Variants in CCDC6 observed in about 807,000 individuals in gnomAD.
CCDC6 encodes coiled-coil domain containing 6.
CCDC6 carries 20 observed loss-of-function variants against 56.6 expected under a neutral mutation model. That is an observed-to-expected ratio of 0.35 (90% confidence interval 0.25 to 0.51). The LOEUF is 0.51. Ranked by LOEUF, CCDC6 falls within the 20% of genes least tolerant of loss-of-function variation. The pLI is 0.95. For synonymous variants in CCDC6, 241 were observed against 234.4 expected (o/e 1.03, Z -0.26); for missense variants, 367 against 601.1 (o/e 0.61, Z 4.07).
intron 1 of CCDC6, among the ~76,000 whole-genome samples, chr10:59,880,505 G>A (rs572093024): frequency 1.4e-3 from 206 of 152,358 alleles, no homozygotes; most frequent in Admixed American, 2.4e-3. Context: ...TACCCTTGGA[G>A]GGATAATGGC....
Position 59,792,856 on chromosome 10 carries a change from G to T in CCDC6, c.*61C>A, listed in dbSNP as rs1412048864. ...AATATGCCAGAGAAGGAAGCCTTTG[G>T]CGTTGAGTAGACGGCTCCATTGGAT... On this transcript the variant is annotated 3_prime_UTR_variant, in exon 9 of 9. Coordinates refer to ENST00000263102, the MANE Select transcript of CCDC6 (RefSeq NM_005436.5). 6.6e-7 allele frequency: 1 copy of T among 1,518,960 alleles called. No homozygotes were observed. Among genetic ancestry groups the T allele is most frequent in the Non-Finnish European group, 9.1e-7 (1 of 1,093,524 alleles). The allele number at this position is 1,518,960 out of a possible 1,614,324, so 94.1% of individuals were successfully genotyped here. A position where few individuals can be genotyped will look rare whatever the true frequency, so the allele number is the denominator to read the frequency against.
chr10:59,797,128 T>C (rs1017709679), intron 7 of CCDC6, among the ~76,000 whole-genome samples: 3 of 152,204 alleles, frequency 2.0e-5, no homozygotes, highest in Non-Finnish European at 4.4e-5. Context: ...GAGAATATTA[T>C]GCTAAGTGAA....
chr10:59,804,686 C>T (rs958955680), intron 6 of CCDC6, 166 bp from the exon 7 acceptor site: 1 of 574,834 alleles, frequency 1.7e-6, no homozygotes, highest in Non-Finnish European at 3.1e-6. Flanking sequence ...CTGAGTCACA[C>T]CGCTCTGCTG....
At chr10:59,875,461 G>A (rs978942924) in intron 1 of CCDC6, among the ~76,000 whole-genome samples, 4 of 152,114 alleles carry the variant, frequency 2.6e-5, no homozygotes, top group African/African-American at 9.7e-5. Context: ...AAGTTCAAAG[G>A]TTCTTGTCCA....
At chr10:59,828,212 C>A (rs752785140) in intron 3 of CCDC6, among the ~76,000 whole-genome samples, 1 of 152,148 alleles carries the variant, frequency 6.6e-6, no homozygotes, top group Non-Finnish European at 1.5e-5. Flanking sequence ...ATAGTGACCA[C>A]GTTTGAAGAA....
intron 1 of CCDC6, among the ~76,000 whole-genome samples, chr10:59,874,785 T>C (rs947557602): frequency 2.6e-5 from 4 of 152,138 alleles, no homozygotes; most frequent in African/African-American, 7.2e-5. Context: ...ATTGCTGGGT[T>C]TGAGGATGAG....
intron 3 of CCDC6, among the ~76,000 whole-genome samples, chr10:59,825,846 A>G (rs888622682): frequency 6.6e-6 from 1 of 152,202 alleles, no homozygotes; most frequent in Non-Finnish European, 1.5e-5. Flanking sequence ...TTCCTTCCTG[A>G]TAAGACTTTA....
intron 2 of CCDC6, among the ~76,000 whole-genome samples, chr10:59,847,084 G>A (rs184111338): frequency 1.3e-3 from 197 of 151,410 alleles, no homozygotes; most frequent in Non-Finnish European, 2.2e-3. Flanking sequence ...ACGGAGTCTC[G>A]CTCTGTCTCC....
intron 1 of CCDC6, among the ~76,000 whole-genome samples, chr10:59,854,480 C>G (rs1464961763): frequency 6.6e-6 from 1 of 152,152 alleles, no homozygotes; most frequent in Non-Finnish European, 1.5e-5. Flanking sequence ...CTGGGGTAGT[C>G]CAAGAGAGCT....
chr10:59,843,240 T>C (rs1378672906), intron 2 of CCDC6, among the ~76,000 whole-genome samples: 2 of 152,192 alleles, frequency 1.3e-5, no homozygotes, highest in Non-Finnish European at 2.9e-5. Context: ...ATGAAACCAT[T>C]TGGACCTGGA....
At chr10:59,806,690 C>A (rs2132627849) in intron 6 of CCDC6, 1 of 454,756 alleles carries the variant, frequency 2.2e-6, no homozygotes, top group Non-Finnish European at 3.9e-6. Context: ...CCATTTCTCT[C>A]CCCACCAAAT....
intron 8 of CCDC6, 132 bp from the exon 9 acceptor site, chr10:59,793,243 T>C (rs1031327268): frequency 1.5e-6 from 1 of 679,802 alleles, no homozygotes; most frequent in African/African-American, 1.8e-5. Context: ...ATTTCTTTCT[T>C]CATCCCTACT....
At position 59,797,096 on chromosome 10, in the gene CCDC6, T is replaced by C. The variant is rs75082969; in HGVS notation, c.1106-2499A>G. On this transcript the variant is annotated intron_variant, in intron 7 of 8. Transcript: ENST00000263102. Reference sequence around the variant, plus strand: ...TCTAAAAGGAGAAAATCCTGCCATATGCAACAACATATATTAACCTCGAGA... The same window carrying C: ...TCTAAAAGGAGAAAATCCTGCCATACGCAACAACATATATTAACCTCGAGA... 7.9e-4 allele frequency among the ~76,000 whole-genome samples: 120 copies of C among 152,252 alleles called. 3 individuals are homozygous for C. The East Asian group carries it at 0.022, about 28-fold the overall frequency.
At chr10:59,882,036 GAAAGGAAA>G (rs1429890344) in intron 1 of CCDC6, among the ~76,000 whole-genome samples, 3 of 141,686 alleles carry the variant, frequency 2.1e-5, no homozygotes, top group Non-Finnish European at 3.0e-5. Flanking sequence ...CGGGGAGAAG[GAAAGGAAA>G]GCCAGGGGGA....
At chr10:59,888,301 G>C (rs2071397613) in intron 1 of CCDC6, among the ~76,000 whole-genome samples, 1 of 152,228 alleles carries the variant, frequency 6.6e-6, no homozygotes, top group Non-Finnish European at 1.5e-5. Flanking sequence ...TCCAGGGAAG[G>C]CTGGCTGCAC....
chr10:59,893,116 A>G (rs2132683627), intron 1 of CCDC6, among the ~76,000 whole-genome samples: 1 of 152,376 alleles, frequency 6.6e-6, no homozygotes, highest in South Asian at 2.1e-4. Context: ...ATTCTGTATA[A>G]TTCCATTTAT....
Position 59,906,257 on chromosome 10 carries a change from C to G in CCDC6, c.168G>C (p.Leu56=). 1 of 1,612,950 alleles carries G rather than the reference C, an allele frequency of 6.2e-7. No homozygotes were observed. Among genetic ancestry groups the G allele is most frequent in the Non-Finnish European group, 8.5e-7 (1 of 1,179,832 alleles). ...SGGIVISPFR[L]EELTNRLASL... ...AGGCCAGGCGGTTGGTGAGCTCCTC[C>G]AGGCGGAACGGCGAGATGACAATGC... The change falls in exon 1 of 9, where the codon CTG becomes CTC. Residue 56 remains leucine (L), a synonymous_variant. Transcript: ENST00000263102.
chr10:59,879,312 C>T (rs1198545353), intron 1 of CCDC6, among the ~76,000 whole-genome samples: 1 of 152,122 alleles, frequency 6.6e-6, no homozygotes, highest in Non-Finnish European at 1.5e-5. Flanking sequence ...AGTTCAATCC[C>T]ATTTTAAGAA....
At position 59,802,641 on chromosome 10, in the gene CCDC6, T is replaced by C. The variant is rs544312433; in HGVS notation, c.1105+1779A>G. On this transcript the variant is annotated intron_variant, in intron 7 of 8. Transcript: ENST00000263102. ...AAAAATCTAGGTGTTACTTATGACA[T>C]AGTTTAAGAAAAGTCAAATAGCTTA... Among the ~76,000 whole-genome samples the C allele has an allele frequency of 2.6e-5, 4 of 152,314 alleles. 1 individual carries two copies. The East Asian group carries it at 7.7e-4, about 29-fold the overall frequency.
Sources: allele counts gnomAD v4.1 joint callset (sites outside exome capture counted in the v4.1 genomes callset), GRCh38; gene constraint gnomAD v4.1.1; transcripts MANE v1.5; gene names NCBI Gene and HGNC (gene_info 2026-07-23, HGNC 2026-07-21).